Variants in DCUN1D5 observed in about 807,000 individuals in gnomAD.
The protein encoded by DCUN1D5 is defective in cullin neddylation 1 domain containing 5.
In DCUN1D5, 10 loss-of-function variants were observed where a neutral mutation model predicts 38.3. The ratio of observed to expected loss-of-function variants is 0.26; its 90% CI spans 0.16 to 0.44. The LOEUF (loss-of-function observed/expected upper bound fraction) is 0.44, where lower values mean the gene tolerates loss of function less well. Among genes scored for constraint, DCUN1D5 ranks in the 20% least tolerant of loss-of-function variants. The pLI, the probability that DCUN1D5 is intolerant of heterozygous loss-of-function variation, is 1.00. For synonymous variants in DCUN1D5, 93 were observed against 90.9 expected, an observed-to-expected ratio of 1.02 and a Z score of -0.13; for missense variants, 148 against 275.3, an observed-to-expected ratio of 0.54 and a Z score of 3.27.
intron 1 of DCUN1D5, among the ~76,000 whole-genome samples, chr11:103,089,710 G>A (rs573704733): frequency 6.6e-6 from 1 of 151,996 alleles, no homozygotes; most frequent in South Asian, 2.1e-4. Flanking sequence ...CTCTTACAAA[G>A]TATATTTTGA....
chr11:103,089,720 ATACT>A (rs1862806271), intron 1 of DCUN1D5, among the ~76,000 whole-genome samples: 1 of 152,166 alleles, frequency 6.6e-6, no homozygotes, highest in Non-Finnish European at 1.5e-5. Context: ...GTATATTTTG[ATACT>A]TAATGAATCA....
chr11:103,086,413 T>C lies in DCUN1D5; in HGVS notation c.178+2814A>G. 6.6e-6 allele frequency among the ~76,000 whole-genome samples: 1 copy of C among 152,204 alleles called. No homozygotes were observed. On this transcript the variant is annotated intron_variant, in intron 2 of 7. Coordinates refer to ENST00000260247, the MANE Select transcript of DCUN1D5 (RefSeq NM_032299.4). The surrounding 1 kb of genome is among the most constrained non-coding windows in gnomAD (Gnocchi z 4.1). ...TATTGGCTTCATTTTAATACGGACA[T>C]ACCCATTTCAAGACAGAACAGTTAC... is the stretch of plus-strand genomic sequence containing the variant.
intron 1 of DCUN1D5, among the ~76,000 whole-genome samples, chr11:103,090,182 CA>C (rs1862822329): frequency 6.6e-6 from 1 of 152,126 alleles, no homozygotes; most frequent in Non-Finnish European, 1.5e-5. Context: ...ACTGCCTGCT[CA>C]GCTATCTTAA....
chr11:103,055,153 T>C lies in DCUN1D5; in HGVS notation c.*7206A>G, dbSNP rs375292671. ...TTTTTCTCTTGGGAACAGAGTAAAC[T>C]GTTGTACACCTGCATTTTGACTGTG... On this transcript the variant is annotated 3_prime_UTR_variant, in exon 8 of 8. Coordinates refer to ENST00000260247, the MANE Select transcript of DCUN1D5 (RefSeq NM_032299.4). 7.2e-5 allele frequency: 11 copies of C among 152,286 alleles called. No individual in the cohort carries two copies. The highest frequency in any genetic ancestry group is 2.6e-4 in the African/African-American group (11 of 41,556). 9.4% of individuals were successfully genotyped at this position (152,286 alleles called of 1,614,324 possible).
At chr11:103,088,297 AAAG>A (rs1176108370) in intron 2 of DCUN1D5, among the ~76,000 whole-genome samples, 9 of 152,210 alleles carry the variant, frequency 5.9e-5, no homozygotes, top group East Asian at 1.9e-4. Flanking sequence ...ATAGTGATTA[AAAG>A]AAGGAGAAAA....
rs1319090442 is a variant in DCUN1D5, at chr11:103,056,655, A to AAG, written c.*5703_*5704insCT. Among the ~76,000 whole-genome samples the AAG allele has an allele frequency of 6.6e-6, 1 of 152,216 alleles. No homozygotes were observed. Among genetic ancestry groups the AAG allele is most frequent in the Non-Finnish European group, 1.5e-5 (1 of 68,028 alleles). Reference sequence around the variant, plus strand: ...ACTGTCTTGCTTCGTGCCCTGCAATATATTCAGGCCTAGAATACTTCTTGG... The same window carrying AAG: ...ACTGTCTTGCTTCGTGCCCTGCAATAAGTATTCAGGCCTAGAATACTTCTTGG... On this transcript the variant is annotated 3_prime_UTR_variant, in exon 8 of 8. Transcript: ENST00000260247. The surrounding 1 kb of genome is among the most constrained non-coding windows in gnomAD (Gnocchi z 4.9).
Position 103,083,406 on chromosome 11 carries a change from A to T in DCUN1D5, c.179-80T>A. On this transcript the variant is annotated intron_variant, in intron 2 of 7. Transcript: ENST00000260247. This position sits in a 1 kb window ranked among gnomAD's most constrained non-coding sequence, Gnocchi z 4.4. ...AATCGTCATGCTAAAGGTACCCATG[A>T]ACACACCATAATATTTTGCAAATAA... The T allele has an allele frequency of 1.3e-6, 1 of 744,440 alleles. No individual in the cohort carries two copies. Among genetic ancestry groups the T allele is most frequent in the Non-Finnish European group, 2.3e-6 (1 of 426,276 alleles). 46.1% of individuals were successfully genotyped at this position (744,440 alleles called of 1,614,324 possible). A position where few individuals can be genotyped will look rare whatever the true frequency, so the allele number is the denominator to read the frequency against.
In DCUN1D5 at chr11:103,064,418, C is replaced by T; in HGVS notation, c.556-41G>A. 6.9e-7 allele frequency: 1 copy of T among 1,449,496 alleles called. No individual in the cohort carries two copies. The highest frequency in any genetic ancestry group is 9.4e-7 in the Non-Finnish European group (1 of 1,064,924). The allele number at this position is 1,449,496 out of a possible 1,614,324, so 89.8% of individuals were successfully genotyped here. On this transcript the variant is annotated intron_variant, in intron 6 of 7. Transcript: ENST00000260247. This position sits in a 1 kb window ranked among gnomAD's most constrained non-coding sequence, Gnocchi z 4.5. ...AAATATTTGTATTTAAATATTTAAA[C>T]AAACATCATTTACTCAATTTAGTAA...
Position 103,058,899 on chromosome 11 carries a change from G to A in DCUN1D5, c.*3460C>T, listed in dbSNP as rs890135911. On this transcript the variant is annotated 3_prime_UTR_variant, in exon 8 of 8. Coordinates refer to ENST00000260247, the MANE Select transcript of DCUN1D5 (RefSeq NM_032299.4). ...GAGTAAGACTTTTGGGTTTTTTTGG[G>A]GGGGGTTTTAATTTTATTTTTTATT... is the stretch of plus-strand genomic sequence containing the variant. Among the ~76,000 whole-genome samples the A allele has an allele frequency of 2.0e-5, 3 of 151,434 alleles. No individual in the cohort carries two copies. The highest frequency in any genetic ancestry group is 4.4e-5 in the Non-Finnish European group (3 of 67,906).
intron 4 of DCUN1D5, among the ~76,000 whole-genome samples, chr11:103,070,353 T>C (rs1271082897): frequency 2.6e-5 from 4 of 151,960 alleles, no homozygotes; most frequent in Admixed American, 1.3e-4. Context: ...AGTGAAACAA[T>C]GGAAAATAAT....
At position 103,061,158 on chromosome 11, in the gene DCUN1D5, C is replaced by A. The variant is rs1225539263; in HGVS notation, c.*1201G>T. ...AATCATTCTTTAAACAAATTCACCA[C>A]TGAAAAATCAACCTTTACCTTAAAT... On this transcript the variant is annotated 3_prime_UTR_variant, in exon 8 of 8. Transcript: ENST00000260247. 1.3e-5 allele frequency among the ~76,000 whole-genome samples: 2 copies of A among 152,186 alleles called. No individual in the cohort carries two copies. Among genetic ancestry groups the A allele is most frequent in the East Asian group, 3.8e-4 (2 of 5,200 alleles).
At position 103,086,182 on chromosome 11, in the gene DCUN1D5, GA is replaced by G. The variant is rs369332721; in HGVS notation, c.179-2857del. ...GCCAGCCATAACAGATGCTTAGGGG[GA>G]AAAAAAAAAAATTCTCAGTGACACA... On this transcript the variant is annotated intron_variant, in intron 2 of 7. Coordinates refer to ENST00000260247, the MANE Select transcript of DCUN1D5 (RefSeq NM_032299.4). This position sits in a 1 kb window ranked among gnomAD's most constrained non-coding sequence, Gnocchi z 4.1. Among the ~76,000 whole-genome samples the G allele has an allele frequency of 0.046, 6,683 of 145,394 alleles. 428 individuals are homozygous for G. The highest frequency in any genetic ancestry group is 0.15 in the African/African-American group (5,913 of 40,246).
At position 103,054,958 on chromosome 11, in the gene DCUN1D5, A is replaced by C. The variant is rs1329777981; in HGVS notation, c.*7401T>G. On this transcript the variant is annotated 3_prime_UTR_variant, in exon 8 of 8. Coordinates refer to ENST00000260247, the MANE Select transcript of DCUN1D5 (RefSeq NM_032299.4). ...GATTGAATGTAGGTGCAGGTTGAATATCTCTTATCCAAAATGCTTGGGACC... is the reference window on the plus strand; with the variant it reads ...GATTGAATGTAGGTGCAGGTTGAATCTCTCTTATCCAAAATGCTTGGGACC... The C allele has an allele frequency of 1.3e-5, 2 of 152,106 alleles. No homozygotes were observed. The highest frequency in any genetic ancestry group is 2.9e-5 in the Non-Finnish European group (2 of 67,982). The allele number at this position is 152,106 out of a possible 1,614,324, so 9.4% of individuals were successfully genotyped here.
In DCUN1D5 at chr11:103,092,001, C is replaced by CA. The variant is rs1591235385; in HGVS notation, c.-130dup. 2 of 867,122 alleles carry CA rather than the reference C, an allele frequency of 2.3e-6. No individual in the cohort carries two copies. The highest frequency in any genetic ancestry group is 5.4e-5 in the East Asian group (2 of 37,186). The allele number at this position is 867,122 out of a possible 1,614,324, so 53.7% of individuals were successfully genotyped here. On this transcript the variant is annotated 5_prime_UTR_variant, in exon 1 of 8. Transcript: ENST00000260247. ...GCGGAGGAGCAGAGTCGCCAGCCCG[C>CA]ACCGGCGCGGCCCAGCCCGGCCGCC...
rs527483052 is a variant in DCUN1D5, at chr11:103,054,018, G to A, written c.*8341C>T. 90 of 152,234 alleles carry A rather than the reference G, an allele frequency of 5.9e-4. No individual in the cohort carries two copies. Among genetic ancestry groups the A allele is most frequent in the African/African-American group, 1.6e-3 (65 of 41,550 alleles). 9.4% of individuals were successfully genotyped at this position (152,234 alleles called of 1,614,324 possible). A position where few individuals can be genotyped will look rare whatever the true frequency, so the allele number is the denominator to read the frequency against. On this transcript the variant is annotated 3_prime_UTR_variant, in exon 8 of 8. Coordinates refer to ENST00000260247, the MANE Select transcript of DCUN1D5 (RefSeq NM_032299.4). ...AATAGGTACCCTAAAAGGACTAGGG[G>A]TGCAAGAGGACCATGTATGGGAAAA...
chr11:103,067,035 C>A (rs1252609490), intron 4 of DCUN1D5, among the ~76,000 whole-genome samples: 2 of 152,074 alleles, frequency 1.3e-5, no homozygotes, highest in Admixed American at 1.3e-4. Flanking sequence ...TAACACAGTG[C>A]AAATTAATAC....
chr11:103,069,195 G>A (rs1862210137), intron 4 of DCUN1D5, among the ~76,000 whole-genome samples: 1 of 152,144 alleles, frequency 6.6e-6, no homozygotes, highest in African/African-American at 2.4e-5. Context: ...ACTACATGGT[G>A]GTGAGTTATC....
rs753883646 is a variant in DCUN1D5 at position 103,077,757 on chromosome 11, C to T, written c.341+4991G>A. Among the ~76,000 whole-genome samples, 5 of 152,124 alleles carry T rather than the reference C, an allele frequency of 3.3e-5. No individual in the cohort carries two copies. The highest frequency in any genetic ancestry group is 1.2e-4 in the African/African-American group (5 of 41,412). On this transcript the variant is annotated intron_variant, in intron 4 of 7. Coordinates refer to ENST00000260247, the MANE Select transcript of DCUN1D5 (RefSeq NM_032299.4). The surrounding 1 kb of genome is among the most constrained non-coding windows in gnomAD (Gnocchi z 4.3). ...TGCTGTGACACATTGATGTGTAACACGAAGAATTGTGTCACAAAGTTCTGG... is the reference window on the plus strand; with the variant it reads ...TGCTGTGACACATTGATGTGTAACATGAAGAATTGTGTCACAAAGTTCTGG...
Position 103,083,464 on chromosome 11 carries a change from T to G in DCUN1D5, c.179-138A>C. On this transcript the variant is annotated intron_variant, in intron 2 of 7. Transcript: ENST00000260247. This position sits in a 1 kb window ranked among gnomAD's most constrained non-coding sequence, Gnocchi z 4.4. ...TGAATTTTGGCATAGCTTTGATAAG[T>G]ATAAATATTTGCTACAGGATTTAAA... The G allele has an allele frequency of 1.9e-6, 1 of 531,096 alleles. No individual in the cohort carries two copies. Among genetic ancestry groups the G allele is most frequent in the Middle Eastern group, 3.9e-4 (1 of 2,540 alleles). 32.9% of individuals were successfully genotyped at this position (531,096 alleles called of 1,614,324 possible).
Sources: allele counts gnomAD v4.1 joint callset (sites outside exome capture counted in the v4.1 genomes callset), GRCh38; gene constraint gnomAD v4.1.1; non-coding constraint Gnocchi (gnomAD v3.1); transcripts MANE v1.5; gene names NCBI Gene and HGNC (gene_info 2026-07-23, HGNC 2026-07-21).